The following TKTL1 variants were observed in gnomAD, a reference collection of about 807,000 sequenced individuals.
TKTL1 encodes the protein transketolase like 1.
In TKTL1, 1 loss-of-function variant was observed where a neutral mutation model predicts 39.3. The ratio of observed to expected loss-of-function variants is 0.03; its 90% CI spans 0.01 to 0.12. The LOEUF (loss-of-function observed/expected upper bound fraction) is 0.12. TKTL1 is among the 10% of genes least tolerant of loss of function. TKTL1 has a pLI of 1.00. For missense variants in TKTL1, 575 were observed against 509.6 expected (o/e 1.13, Z -1.24); for synonymous variants, 262 against 193.8 (o/e 1.35, Z -2.92).
intron 1 of TKTL1, among the ~76,000 whole-genome samples, chrX:154,301,117 T>G (rs1603351016): frequency 1.8e-5 from 2 of 112,181 alleles, no homozygotes; most frequent in East Asian, 2.8e-4. Flanking sequence ...AAGAGTGTGT[T>G]GCTTAATTTT....
intron 5 of TKTL1, 76 bp downstream of exon 5, chrX:154,311,314 A>G: frequency 3.4e-6 from 4 of 1,169,245 alleles, no homozygotes. Flanking sequence ...GGAGAGGCTT[A>G]GAGGGGCCTA....
chrX:154,320,778 G>A lies in TKTL1; in HGVS notation c.1051G>A (p.Ala351Thr). The change falls in exon 8 of 13, where the codon GCC (alanine) becomes ACC (threonine). Residue 351 changes from alanine (A) to threonine (T), a missense_variant. Transcript: ENST00000369915. The part of the protein sequence containing the change: ...QNMVSVALGC[A>T]SRGRTIAFAS... ...GCAGGTGAGCGTGGCTCTGGGCTGT[G>A]CCTCCCGTGGACGGACCATTGCTTT... is the stretch of plus-strand genomic sequence containing the variant. 1 of 1,211,510 alleles carries A rather than the reference G, an allele frequency of 8.3e-7. No individual in the cohort carries two copies. The highest frequency in any genetic ancestry group is 2.3e-4 in the Middle Eastern group (1 of 4,347).
chrX:154,325,320 G>A lies in TKTL1; in HGVS notation c.1318-19G>A. 1 of 1,192,460 alleles carries A rather than the reference G, an allele frequency of 8.4e-7. No individual in the cohort carries two copies. The highest frequency in any genetic ancestry group is 3.0e-5 in the East Asian group (1 of 33,801). On this transcript the variant is annotated intron_variant, in intron 9 of 12. Transcript: ENST00000369915. ...TTCATTGTTTGCTTTTCTAAACCAT[G>A]GCTCCATTTATGCCCTAGGGGATGT...
At chrX:154,297,768 T>G (rs2067242127) in intron 1 of TKTL1, among the ~76,000 whole-genome samples, 1 of 110,785 alleles carries the variant, frequency 9.0e-6, no homozygotes, top group African/African-American at 3.3e-5. Flanking sequence ...GGCAATCCCC[T>G]GTGCAGAATG....
At chrX:154,311,271 T>G (rs782809934) in intron 5 of TKTL1, 33 bp downstream of exon 5, 1 of 1,209,446 alleles carries the variant, frequency 8.3e-7, no homozygotes, top group African/African-American at 1.7e-5. Flanking sequence ...CTCCTGGTTG[T>G]TAAAAGCATC....
chrX:154,317,056 C>A (rs782472712), intron 7 of TKTL1, among the ~76,000 whole-genome samples: 1 of 111,113 alleles, frequency 9.0e-6, no homozygotes, highest in Non-Finnish European at 1.9e-5. Context: ...AGGTGTGAGC[C>A]CCCGAGCCTG....
intron 1 of TKTL1, among the ~76,000 whole-genome samples, chrX:154,299,798 C>T (rs1448631304): frequency 4.5e-5 from 5 of 111,821 alleles, no homozygotes; most frequent in Admixed American, 2.9e-4. Context: ...GAGCAGTATT[C>T]CATGTTGTAT....
At chrX:154,320,539 C>T (rs782678141) in intron 7 of TKTL1, 37 of 416,590 alleles carry the variant, frequency 8.9e-5, no homozygotes, top group Non-Finnish European at 1.5e-4. Context: ...AGAGTCTCAT[C>T]TCTTGCTCCC....
chrX:154,316,068 AAGT>A (rs2067397199), intron 7 of TKTL1, among the ~76,000 whole-genome samples: 1 of 111,508 alleles, frequency 9.0e-6, no homozygotes, highest in African/African-American at 3.3e-5. Context: ...TATTTATAAC[AAGT>A]AGTATTTTTA....
At chrX:154,318,891 C>T (rs1218368603) in intron 7 of TKTL1, among the ~76,000 whole-genome samples, 4 of 110,841 alleles carry the variant, frequency 3.6e-5, no homozygotes, top group East Asian at 5.6e-4. Flanking sequence ...TGCATGAAAG[C>T]CTTTTATTGA....
intron 1 of TKTL1, among the ~76,000 whole-genome samples, chrX:154,296,955 G>A (rs1040155762): frequency 9.0e-5 from 10 of 111,055 alleles, no homozygotes; most frequent in East Asian, 8.6e-4. Context: ...TTGCGCCACC[G>A]CACTCCAGCC....
At chrX:154,325,535 AT>A in intron 10 of TKTL1, 113 bp downstream of exon 10, 1 of 686,849 alleles carries the variant, frequency 1.5e-6, no homozygotes, top group Non-Finnish European at 2.2e-6. Context: ...CTTTGCTCTC[AT>A]TTTTTTAAAA....
At position 154,315,219 on chromosome X, in the gene TKTL1, A is replaced by G; in HGVS notation, c.911A>G (p.Tyr304Cys). 1 of 1,211,778 alleles carries G rather than the reference A, an allele frequency of 8.3e-7. No homozygotes were observed. The change falls in exon 7 of 13, where the codon TAC becomes TGC. Residue 304 changes from tyrosine (Y) to cysteine (C), a missense_variant. Coordinates refer to ENST00000369915, the MANE Select transcript of TKTL1 (RefSeq NM_012253.4). ...ACGLALAKLGYANNRVVVLDG... is the reference protein window; with the variant it reads ...ACGLALAKLGCANNRVVVLDG... ...GGTCTGGCTCTGGCTAAGCTGGGCT[A>G]CGCGAACAACAGAGTCGTTGTGCTG...
At chrX:154,318,886 G>C (rs1557170026) in intron 7 of TKTL1, among the ~76,000 whole-genome samples, 2 of 110,465 alleles carry the variant, frequency 1.8e-5, no homozygotes, top group Non-Finnish European at 3.8e-5. Flanking sequence ...CTTTATGCAT[G>C]AAAGCCTTTT....
intron 7 of TKTL1, among the ~76,000 whole-genome samples, chrX:154,319,300 C>G (rs1199200522): frequency 8.9e-6 from 1 of 112,505 alleles, no homozygotes; most frequent in African/African-American, 3.2e-5. Context: ...AAGTTCTTCA[C>G]TTTCTCTCCA....
rs1557172278 is a variant in TKTL1, at chrX:154,327,788, T to A, written c.1499-51T>A. 6 of 1,207,422 alleles carry A rather than the reference T, an allele frequency of 5.0e-6. No homozygotes were observed. The South Asian group carries it at 1.1e-4, about 21-fold the overall frequency. On this transcript the variant is annotated intron_variant, in intron 11 of 12. Transcript: ENST00000369915. ...TGCTCTTTTTATTTTTATCCCTGCA[T>A]GTTATTCTGAGTCTCTTTCTTGTAC... is the stretch of plus-strand genomic sequence containing the variant.
intron 7 of TKTL1, 45 bp downstream of exon 7, chrX:154,315,382 A>G (rs2067391362): frequency 2.7e-5 from 30 of 1,111,261 alleles, no homozygotes; most frequent in Non-Finnish European, 3.7e-5. Flanking sequence ...TCAATGGCCC[A>G]CTGGACACAG....
intron 2 of TKTL1, among the ~76,000 whole-genome samples, chrX:154,307,795 C>T (rs1291927442): frequency 2.7e-5 from 3 of 112,117 alleles, no homozygotes; most frequent in Non-Finnish European, 3.8e-5. Context: ...GAGCTTGTTA[C>T]GTGAGTGTGG....
rs782543463 is a variant in TKTL1, at chrX:154,315,903, A to T, written c.1029+566A>T. 2.7e-5 allele frequency among the ~76,000 whole-genome samples: 3 copies of T among 111,666 alleles called. No homozygotes were observed. The Admixed American group carries it at 2.9e-4, about 11-fold the overall frequency. ...TTAATGCAGGGAGTATCTCAAGCAC[A>T]TGCACACAAGCGCACCCCTCTGGAG... is the stretch of plus-strand genomic sequence containing the variant. On this transcript the variant is annotated intron_variant, in intron 7 of 12. Transcript: ENST00000369915.
Sources: allele counts gnomAD v4.1 joint callset (sites outside exome capture counted in the v4.1 genomes callset), GRCh38; gene constraint gnomAD v4.1.1; transcripts MANE v1.5; gene names NCBI Gene and HGNC (gene_info 2026-07-23, HGNC 2026-07-21).